The following LYPD6B variants were observed in gnomAD, a reference collection of about 807,000 sequenced individuals.
LYPD6B encodes LY6/PLAUR domain containing 6B, also known as ly6/PLAUR domain-containing protein 6B.
LYPD6B carries 17 observed loss-of-function variants against 22.8 expected under a neutral mutation model. The observed-to-expected ratio is 0.75, with a 90% CI of 0.51 to 1.12. The LOEUF (loss-of-function observed/expected upper bound fraction) is 1.12. LYPD6B is among the 50% of genes most tolerant of loss of function. LYPD6B has a pLI of 0.00. For missense variants in LYPD6B, 221 were observed against 258.3 expected (o/e 0.86, Z 0.99); for synonymous variants, 106 against 91.6 (o/e 1.16, Z -0.90).
intron 1 of LYPD6B, among the ~76,000 whole-genome samples, chr2:149,087,660 T>G (rs767108849): frequency 6.6e-6 from 1 of 152,186 alleles, no homozygotes; most frequent in Non-Finnish European, 1.5e-5. Flanking sequence ...GCCCACCTAC[T>G]AACAGGTACT....
chr2:149,083,731 G>C (rs1437709393), intron 1 of LYPD6B, among the ~76,000 whole-genome samples: 6 of 152,140 alleles, frequency 3.9e-5, no homozygotes, highest in Admixed American at 2.6e-4. Flanking sequence ...ATGTGCTGCT[G>C]TCTCAATATT....
intron 1 of LYPD6B, among the ~76,000 whole-genome samples, chr2:149,081,182 G>A (rs555453059): frequency 1.3e-5 from 2 of 152,252 alleles, no homozygotes; most frequent in South Asian, 4.1e-4. Flanking sequence ...GAAGATCAAA[G>A]GCCTTTGTAA....
At chr2:149,136,573 G>A (rs903697329) in intron 2 of LYPD6B, among the ~76,000 whole-genome samples, 1 of 152,178 alleles carries the variant, frequency 6.6e-6, no homozygotes, top group African/African-American at 2.4e-5. Context: ...AGATTTTACT[G>A]TGTTCATAGG....
intron 2 of LYPD6B, among the ~76,000 whole-genome samples, chr2:149,146,477 T>G (rs1416402262): frequency 2.6e-5 from 4 of 152,000 alleles, no homozygotes; most frequent in Non-Finnish European, 1.5e-5. Flanking sequence ...TGAGGGAGAA[T>G]GGCAGGATGG....
At position 149,203,002 on chromosome 2, in the gene LYPD6B, G is replaced by A. The variant is rs75026978; in HGVS notation, c.78-2251G>A. Reference sequence around the variant, plus strand: ...CACCAAATAGCAGTTTTGGATACAGGTATTTGAGCCAATGCTCTTTACTAT... The same window carrying A: ...CACCAAATAGCAGTTTTGGATACAGATATTTGAGCCAATGCTCTTTACTAT... On this transcript the variant is annotated intron_variant, in intron 3 of 6. Coordinates refer to ENST00000409642, the MANE Select transcript of LYPD6B (RefSeq NM_177964.5). Among the ~76,000 whole-genome samples, 89 of 152,270 alleles carry A rather than the reference G, an allele frequency of 5.8e-4. 1 individual carries two copies. In the East Asian group the frequency reaches 0.016, roughly 27 times the overall value.
At chr2:149,120,383 A>ATATATT (rs1327065975) in intron 1 of LYPD6B, among the ~76,000 whole-genome samples, 4 of 48,618 alleles carry the variant, frequency 8.2e-5, no homozygotes, top group African/African-American at 1.1e-4. Context: ...ATATATATAT[A>ATATATT]TTTTTTTTTT....
intron 5 of LYPD6B, among the ~76,000 whole-genome samples, chr2:149,212,020 A>G (rs1693884268): frequency 1.3e-5 from 2 of 152,132 alleles, no homozygotes. Flanking sequence ...GAGGAAAAAA[A>G]ATGGAAATAC....
intron 2 of LYPD6B, among the ~76,000 whole-genome samples, chr2:149,134,183 A>C (rs1270376838): frequency 1.3e-5 from 2 of 152,294 alleles, no homozygotes; most frequent in East Asian, 3.9e-4. Flanking sequence ...AGGATCAGGC[A>C]GAGGGCTTAG....
In LYPD6B at chr2:149,074,268, GCA is replaced by G. The variant is rs60123351; in HGVS notation, c.-67+35487_-67+35488del. Among the ~76,000 whole-genome samples, 132 of 150,138 alleles carry G rather than the reference GCA, an allele frequency of 8.8e-4. No homozygotes were observed. The Middle Eastern group carries it at 0.01, about 12-fold the overall frequency. ...CACACACATGCATACACGCATGCATGCACACACACACACACACACACGCACAT... is the reference window on the plus strand; with the variant it reads ...CACACACATGCATACACGCATGCATGCACACACACACACACACACGCACAT... On this transcript the variant is annotated intron_variant, in intron 1 of 6. Transcript: ENST00000409642.
intron 2 of LYPD6B, among the ~76,000 whole-genome samples, chr2:149,148,967 G>A (rs548539861): frequency 6.6e-6 from 1 of 152,276 alleles, no homozygotes; most frequent in South Asian, 2.1e-4. Flanking sequence ...GCTGTGAAGA[G>A]GTGGTGAGTG....
At chr2:149,172,898 C>T (rs570776159) in intron 3 of LYPD6B, among the ~76,000 whole-genome samples, 1 of 152,082 alleles carries the variant, frequency 6.6e-6, no homozygotes, top group East Asian at 1.9e-4. Flanking sequence ...CCCAGCTCTC[C>T]AGGTCTTCAA....
chr2:149,097,196 G>A (rs760408350), intron 1 of LYPD6B, among the ~76,000 whole-genome samples: 41 of 152,226 alleles, frequency 2.7e-4, no homozygotes, highest in Non-Finnish European at 4.0e-4. Flanking sequence ...CCACCCCTGC[G>A]AAGAGAACCT....
At chr2:149,165,294 C>A (rs554172667) in intron 3 of LYPD6B, among the ~76,000 whole-genome samples, 94 of 152,138 alleles carry the variant, frequency 6.2e-4, no homozygotes, top group Non-Finnish European at 1.1e-3. Context: ...AGCCCAGATT[C>A]AAGGGGAGGG....
intron 1 of LYPD6B, among the ~76,000 whole-genome samples, chr2:149,083,138 G>T (rs774620223): frequency 6.6e-6 from 1 of 152,224 alleles, no homozygotes; most frequent in Non-Finnish European, 1.5e-5. Context: ...CTGCAGAGCA[G>T]TTTCTAAAAA....
intron 2 of LYPD6B, among the ~76,000 whole-genome samples, chr2:149,138,200 C>A (rs999331642): frequency 6.6e-6 from 1 of 152,114 alleles, no homozygotes; most frequent in African/African-American, 2.4e-5. Context: ...TGGATTCAGA[C>A]TCTTGTCATT....
At chr2:149,181,608 C>T (rs1332647378) in intron 3 of LYPD6B, among the ~76,000 whole-genome samples, 1 of 152,114 alleles carries the variant, frequency 6.6e-6, no homozygotes, top group East Asian at 1.9e-4. Context: ...TGGCAGTCTC[C>T]TTTGCAAAAA....
intron 1 of LYPD6B, among the ~76,000 whole-genome samples, chr2:149,104,237 G>A (rs1686358112): frequency 6.6e-6 from 1 of 152,122 alleles, no homozygotes. Context: ...TCTTTGTATG[G>A]ATATATGTTT....
chr2:149,150,721 A>C (rs934662767), intron 2 of LYPD6B, among the ~76,000 whole-genome samples: 2 of 152,046 alleles, frequency 1.3e-5, no homozygotes, highest in Non-Finnish European at 2.9e-5. Flanking sequence ...CATGTACTTT[A>C]GTCGTAAAAA....
chr2:149,099,749 C>G (rs1437456467), intron 1 of LYPD6B, among the ~76,000 whole-genome samples: 10 of 152,152 alleles, frequency 6.6e-5, no homozygotes, highest in Non-Finnish European at 1.5e-5. Flanking sequence ...CCAGAGAGAC[C>G]TTTAAAACCC....
Sources: gnomAD v4.1 joint callset for allele counts (sites outside exome capture counted in the v4.1 genomes callset) on GRCh38, gnomAD v4.1.1 for gene constraint, MANE v1.5 for transcripts, NCBI Gene and HGNC (gene_info 2026-07-23, HGNC 2026-07-21) for gene names.